Variants in DLC1 observed in about 807,000 individuals in gnomAD.
DLC1 encodes the protein DLC1 Rho GTPase activating protein, also known as rho GTPase-activating protein 7.
Under a neutral mutation model 140.3 loss-of-function variants are expected in DLC1, and 54 were observed. That is an observed-to-expected ratio of 0.38 (90% CI 0.31 to 0.48). The LOEUF is 0.48. Among genes scored for constraint, DLC1 ranks in the 20% least tolerant of loss-of-function variants. DLC1 has a pLI of 0.96. For synonymous variants in DLC1, 986 were observed against 728.1 expected, an observed-to-expected ratio of 1.35 and a Z score of -5.70; for missense variants, 2,536 against 1,907.0, an observed-to-expected ratio of 1.33 and a Z score of -6.14.
At chr8:13,556,637 G>C (rs1018594303) in intron 1 of DLC1, among the ~76,000 whole-genome samples, 1 of 152,134 alleles carries the variant, frequency 6.6e-6, no homozygotes, top group African/African-American at 2.4e-5. Context: ...AATGTACCAA[G>C]TAGTAGGGCC....
intron 2 of DLC1, among the ~76,000 whole-genome samples, chr8:13,494,715 C>T (rs955351120): frequency 6.6e-6 from 1 of 152,124 alleles, no homozygotes; most frequent in African/African-American, 2.4e-5. Context: ...CTTTGGGAGG[C>T]TGAGGCAGGT....
chr8:13,555,006 A>G (rs904938013), intron 1 of DLC1, among the ~76,000 whole-genome samples: 11 of 152,196 alleles, frequency 7.2e-5, no homozygotes, highest in Non-Finnish European at 1.3e-4. Context: ...CATGTTAAGC[A>G]CGTCTCTTTC....
chr8:13,094,210 T>C (rs1818317306), intron 12 of DLC1, among the ~76,000 whole-genome samples: 1 of 152,244 alleles, frequency 6.6e-6, no homozygotes, highest in Non-Finnish European at 1.5e-5. Context: ...CTTTTCATTT[T>C]GCACGTAAAA....
chr8:13,324,865 C>T (rs1328549225), intron 4 of DLC1, among the ~76,000 whole-genome samples: 1 of 151,816 alleles, frequency 6.6e-6, no homozygotes, highest in African/African-American at 2.4e-5. Flanking sequence ...GTGTGTGTGT[C>T]TGTCTGTATT....
chr8:13,135,584 A>ACCTT (rs1313492561), intron 5 of DLC1, among the ~76,000 whole-genome samples: 2 of 152,032 alleles, frequency 1.3e-5, no homozygotes, highest in Non-Finnish European at 2.9e-5. Context: ...ATAAGAGTGC[A>ACCTT]CCTTCGAAAC....
chr8:13,567,811 T>G (rs1168570899), intron 1 of DLC1: 1 of 1,551,838 alleles, frequency 6.4e-7, no homozygotes, highest in Non-Finnish European at 8.7e-7. Flanking sequence ...TATCAGATAC[T>G]CTGGTTTTGA....
chr8:13,144,967 G>A (rs1823307574), intron 5 of DLC1, among the ~76,000 whole-genome samples: 1 of 152,132 alleles, frequency 6.6e-6, no homozygotes, highest in African/African-American at 2.4e-5. Flanking sequence ...ATTTTGTTAT[G>A]CAGCAACAGA....
chr8:13,601,931 T>A (rs1282558382), intron 1 of DLC1, among the ~76,000 whole-genome samples: 2 of 151,876 alleles, frequency 1.3e-5, no homozygotes, highest in East Asian at 1.9e-4. Flanking sequence ...TTTTCAGAAT[T>A]AATTCTATGC....
intron 5 of DLC1, among the ~76,000 whole-genome samples, chr8:13,241,559 G>A (rs765695580): frequency 3.9e-5 from 6 of 152,190 alleles, no homozygotes; most frequent in Non-Finnish European, 8.8e-5. Flanking sequence ...AAGAGTCTCT[G>A]AATGTAGCGG....
At position 13,190,336 on chromosome 8, in the gene DLC1, G is replaced by A. The variant is rs556035258; in HGVS notation, c.1349-74679C>T. On this transcript the variant is annotated intron_variant, in intron 5 of 17. Coordinates refer to ENST00000276297, the MANE Select transcript of DLC1 (RefSeq NM_182643.3). Reference sequence around the variant, plus strand: ...GCCTCTGGTGTGAGCTTGCTGGTGAGAGCCAGGGATTGTGGTCCCTGTTTC... The same window carrying A: ...GCCTCTGGTGTGAGCTTGCTGGTGAAAGCCAGGGATTGTGGTCCCTGTTTC... Among the ~76,000 whole-genome samples the A allele has an allele frequency of 1.9e-3, 290 of 152,208 alleles. 1 individual carries two copies. The highest frequency in any genetic ancestry group is 6.4e-3 in the African/African-American group (264 of 41,518).
At chr8:13,554,095 C>T (rs1213328499) in intron 1 of DLC1, among the ~76,000 whole-genome samples, 2 of 152,088 alleles carry the variant, frequency 1.3e-5, no homozygotes, top group African/African-American at 4.8e-5. Context: ...GAGACAGAGT[C>T]TCACTCTGTG....
chr8:13,295,948 T>TG (rs1040677308), intron 5 of DLC1, among the ~76,000 whole-genome samples: 4 of 117,946 alleles, frequency 3.4e-5, no homozygotes, highest in South Asian at 3.0e-4. Flanking sequence ...CTTTGTTTTT[T>TG]TTTTTTTTTT....
chr8:13,505,565 GTTC>G (rs1802020871), intron 1 of DLC1, among the ~76,000 whole-genome samples: 2 of 152,268 alleles, frequency 1.3e-5, no homozygotes, highest in South Asian at 4.1e-4. Flanking sequence ...CACGACTGCA[GTTC>G]TTCTGCAATA....
intron 2 of DLC1, among the ~76,000 whole-genome samples, chr8:13,437,226 TAAATC>T (rs1228705430): frequency 6.6e-6 from 1 of 152,186 alleles, no homozygotes; most frequent in African/African-American, 2.4e-5. Flanking sequence ...AATGAAAACA[TAAATC>T]AAAGTAAAGT....
At chr8:13,512,060 T>C (rs530855205) in intron 1 of DLC1, among the ~76,000 whole-genome samples, 12 of 152,242 alleles carry the variant, frequency 7.9e-5, no homozygotes, top group African/African-American at 2.9e-4. Context: ...AATGAAGTGA[T>C]GTGCTATCTT....
At chr8:13,599,022 A>T (rs1327552408) in intron 1 of DLC1, among the ~76,000 whole-genome samples, 2 of 151,886 alleles carry the variant, frequency 1.3e-5, no homozygotes, top group Non-Finnish European at 2.9e-5. Context: ...ACATTTAACT[A>T]AGGTACCAAA....
At chr8:13,525,420 C>G (rs1802890369) in intron 1 of DLC1, among the ~76,000 whole-genome samples, 1 of 152,116 alleles carries the variant, frequency 6.6e-6, no homozygotes, top group African/African-American at 2.4e-5. Context: ...TAACTGTTTT[C>G]TAAGGTGGAT....
At chr8:13,449,707 T>C (rs1798954669) in intron 2 of DLC1, among the ~76,000 whole-genome samples, 2 of 152,156 alleles carry the variant, frequency 1.3e-5, no homozygotes, top group South Asian at 4.2e-4. Context: ...CATTAGGAGA[T>C]ATAACTCATG....
intron 5 of DLC1, among the ~76,000 whole-genome samples, chr8:13,163,539 G>A (rs530559655): frequency 1.8e-4 from 28 of 152,110 alleles, no homozygotes; most frequent in Non-Finnish European, 3.4e-4. Context: ...AGGCACTTTT[G>A]TGTGTGGGGT....
Sources: gnomAD v4.1 joint callset for allele counts (sites outside exome capture counted in the v4.1 genomes callset) on GRCh38, gnomAD v4.1.1 for gene constraint, MANE v1.5 for transcripts, NCBI Gene and HGNC (gene_info 2026-07-23, HGNC 2026-07-21) for gene names.